HAPLN1: variants seen among roughly 807,000 people sequenced by gnomAD.
HAPLN1 encodes hyaluronan and proteoglycan link protein 1.
In HAPLN1, 13 loss-of-function variants were observed where a neutral mutation model predicts 36.5. That is an observed-to-expected ratio of 0.36 (90% CI 0.23 to 0.57). The LOEUF is 0.57. Ranked by LOEUF, HAPLN1 falls within the 20% of genes least tolerant of loss-of-function variation. The pLI is 0.83. For synonymous variants in HAPLN1, 202 were observed against 169.8 expected (o/e 1.19, Z -1.48); for missense variants, 407 against 439.7 (o/e 0.93, Z 0.66).
chr5:83,690,887 G>T (rs1479547163), intron 1 of HAPLN1, among the ~76,000 whole-genome samples: 1 of 151,904 alleles, frequency 6.6e-6, no homozygotes, highest in Non-Finnish European at 1.5e-5. Context: ...ATGAATGCAT[G>T]TGTTATTTTA....
chr5:83,648,395 C>CCATATATA (rs1248172103), intron 3 of HAPLN1, among the ~76,000 whole-genome samples: 27 of 60,664 alleles, frequency 4.5e-4, no homozygotes, highest in African/African-American at 1.5e-3. Context: ...CTATATTTGA[C>CCATATATA]TATATATATA....
intron 2 of HAPLN1, among the ~76,000 whole-genome samples, chr5:83,659,885 A>G (rs1390982678): frequency 6.6e-6 from 1 of 152,118 alleles, no homozygotes; most frequent in African/African-American, 2.4e-5. Flanking sequence ...TGCTGAAAAT[A>G]GGATAAGTGG....
chr5:83,645,491 TAGCTCATCAGC>T (rs1749846253), intron 3 of HAPLN1, among the ~76,000 whole-genome samples: 1 of 138,718 alleles, frequency 7.2e-6, no homozygotes, highest in Non-Finnish European at 1.6e-5. Flanking sequence ...TTTTTTTTTT[TAGCTCATCAGC>T]TATCATTAGT....
At chr5:83,698,226 T>A (rs1751436540) in intron 1 of HAPLN1, among the ~76,000 whole-genome samples, 1 of 152,178 alleles carries the variant, frequency 6.6e-6, no homozygotes, top group African/African-American at 2.4e-5. Flanking sequence ...TCTATGTCTG[T>A]GTCTGTCTAC....
intron 1 of HAPLN1, among the ~76,000 whole-genome samples, chr5:83,708,809 G>T (rs1006100947): frequency 7.0e-6 from 1 of 143,738 alleles, no homozygotes; most frequent in Non-Finnish European, 1.5e-5. Context: ...TGAAACAGCA[G>T]GAGGAGTATG....
chr5:83,707,409 G>A (rs918966314), intron 1 of HAPLN1, among the ~76,000 whole-genome samples: 4 of 152,248 alleles, frequency 2.6e-5, no homozygotes, highest in African/African-American at 9.6e-5. Context: ...GAACAGAATA[G>A]AAAGTCCCCA....
chr5:83,713,284 C>CT (rs1301540203), intron 1 of HAPLN1, among the ~76,000 whole-genome samples: 1 of 152,144 alleles, frequency 6.6e-6, no homozygotes, highest in Middle Eastern at 3.2e-3. Flanking sequence ...TTTTAATTTC[C>CT]TTTAATTCAA....
intron 1 of HAPLN1, among the ~76,000 whole-genome samples, chr5:83,716,028 A>G (rs1751906473): frequency 6.6e-6 from 1 of 152,178 alleles, no homozygotes; most frequent in Non-Finnish European, 1.5e-5. Flanking sequence ...CCAGTGCTCA[A>G]TACATTTTTG....
intron 2 of HAPLN1, among the ~76,000 whole-genome samples, chr5:83,656,448 A>C (rs1233353886): frequency 6.6e-6 from 1 of 151,918 alleles, no homozygotes; most frequent in Non-Finnish European, 1.5e-5. Flanking sequence ...AAAAAAAAAA[A>C]AACAACATGG....
intron 1 of HAPLN1, among the ~76,000 whole-genome samples, chr5:83,719,227 A>G (rs907012930): frequency 2.0e-5 from 3 of 152,202 alleles, no homozygotes; most frequent in African/African-American, 7.2e-5. Flanking sequence ...TAAGTACATA[A>G]TGTTTCCCCA....
intron 3 of HAPLN1, among the ~76,000 whole-genome samples, chr5:83,649,301 T>A (rs1230993861): frequency 6.6e-6 from 1 of 152,228 alleles, no homozygotes; most frequent in Non-Finnish European, 1.5e-5. Context: ...CAAGCTGGAA[T>A]GCTGTCGGTG....
intron 1 of HAPLN1, among the ~76,000 whole-genome samples, chr5:83,709,200 T>A (rs1751720572): frequency 6.6e-6 from 1 of 152,248 alleles, no homozygotes. Context: ...CACAGAGATA[T>A]CTGGAATTCA....
intron 3 of HAPLN1, among the ~76,000 whole-genome samples, chr5:83,651,385 G>GAA (rs1750058361): frequency 6.6e-6 from 1 of 152,100 alleles, no homozygotes; most frequent in South Asian, 2.1e-4. Context: ...CCTGAATAAT[G>GAA]CCAATGTTCA....
intron 1 of HAPLN1, among the ~76,000 whole-genome samples, chr5:83,693,529 T>C (rs529378709): frequency 5.9e-5 from 9 of 151,884 alleles, no homozygotes; most frequent in African/African-American, 1.7e-4. Flanking sequence ...TAAACCTCCA[T>C]TGAAAGGCAG....
At chr5:83,647,964 C>T (rs924880226) in intron 3 of HAPLN1, among the ~76,000 whole-genome samples, 1 of 151,994 alleles carries the variant, frequency 6.6e-6, no homozygotes, top group African/African-American at 2.4e-5. Context: ...ATATTTAGCC[C>T]CATTTTCACC....
At chr5:83,656,477 G>A (rs1355447797) in intron 2 of HAPLN1, among the ~76,000 whole-genome samples, 1 of 150,154 alleles carries the variant, frequency 6.7e-6, no homozygotes, top group Non-Finnish European at 1.5e-5. Flanking sequence ...ATAAAACTAT[G>A]TAGCATACAA....
chr5:83,719,190 C>A (rs916327831), intron 1 of HAPLN1, among the ~76,000 whole-genome samples: 12 of 152,210 alleles, frequency 7.9e-5, no homozygotes, highest in Admixed American at 2.6e-4. Context: ...CAGGGCCTTG[C>A]TGAAAATAAA....
chr5:83,681,474 A>G (rs1750997445), intron 1 of HAPLN1, among the ~76,000 whole-genome samples: 1 of 152,190 alleles, frequency 6.6e-6, no homozygotes, highest in Non-Finnish European at 1.5e-5. Context: ...ACTCTCATTT[A>G]AAATTACTTT....
rs1468620986 is a variant in HAPLN1 at position 83,652,623 on chromosome 5, T to C, written c.302A>G (p.His101Arg). 6.2e-7 allele frequency: 1 copy of C among 1,614,172 alleles called. No individual in the cohort carries two copies. The highest frequency in any genetic ancestry group is 8.5e-7 in the Non-Finnish European group (1 of 1,180,022). The change falls in exon 3 of 5, where the codon CAC becomes CGC. Residue 101 changes from histidine to arginine, a missense_variant. By Grantham distance (29) the His-to-Arg change is conservative. Transcript: ENST00000274341. ...EVDVFVSMGYHKKTYGGYQGR... is the reference protein window; with the variant it reads ...EVDVFVSMGYRKKTYGGYQGR... ...CTGGTAGCCTCCATAGGTTTTTTTG[T>C]GGTATCCCATGGAAACAAAAACATC...
Sources: gnomAD v4.1 joint callset for allele counts (sites outside exome capture counted in the v4.1 genomes callset) on GRCh38, gnomAD v4.1.1 for gene constraint, MANE v1.5 for transcripts, NCBI Gene and HGNC (gene_info 2026-07-23, HGNC 2026-07-21) for gene names.